SMARCC2: variants seen among roughly 807,000 people sequenced by gnomAD.
SMARCC2 encodes SWI/SNF related BAF chromatin remodeling complex subunit C2, also known as SWI/SNF complex subunit SMARCC2.
A neutral mutation model predicts 151.3 loss-of-function variants in SMARCC2; 15 were observed. The ratio of observed to expected loss-of-function variants is 0.10; its 90% CI spans 0.07 to 0.15. The LOEUF (loss-of-function observed/expected upper bound fraction) is 0.15, where lower values mean the gene tolerates loss of function less well. Ranked by LOEUF, SMARCC2 falls within the 10% of genes least tolerant of loss-of-function variation. The probability of loss-of-function intolerance (pLI) is 1.00; values close to 1 mark genes in which losing one functional copy is unlikely to be tolerated. For missense variants in SMARCC2, 1,031 were observed against 1,599.7 expected, an observed-to-expected ratio of 0.64 and a Z score of 6.06; for synonymous variants, 590 against 609.5, an observed-to-expected ratio of 0.97 and a Z score of 0.47.
In SMARCC2 at chr12:56,165,414, G is replaced by A; in HGVS notation, c.3136C>T (p.Gln1046Ter). 6.6e-7 allele frequency: 1 copy of A among 1,513,164 alleles called. No individual in the cohort carries two copies. The allele number at this position is 1,513,164 out of a possible 1,614,324, so 93.7% of individuals were successfully genotyped here. The change falls in exon 27 of 29, where the codon CAG (glutamine) becomes TAG (stop). Residue 1046 changes from glutamine (Q) to a stop codon, truncating the protein, a stop_gained. Coordinates refer to ENST00000550164, the MANE Select transcript of SMARCC2 (RefSeq NM_001330288.2). LOFTEE classifies it high-confidence loss of function. ...TGTGGCCCTGCAGTTGACCCTGCCT[G>A]CCCAATCTGTTCAGAAGGGCCCAAA... ...GSLGPSEQIG[Q>*]AGSTAGPQQQ...
chr12:56,163,366 T>G lies in SMARCC2; in HGVS notation c.*323A>C. On this transcript the variant is annotated 3_prime_UTR_variant, in exon 29 of 29. Coordinates refer to ENST00000550164, the MANE Select transcript of SMARCC2 (RefSeq NM_001330288.2). ...TTTTAATCCATAGAAAATGCAGTAG[T>G]TTGGAGGGAGGTGTACCCTTAGAAG... 5.0e-6 allele frequency: 1 copy of G among 199,450 alleles called. No homozygotes were observed. The highest frequency in any genetic ancestry group is 1.0e-5 in the Non-Finnish European group (1 of 99,422). 12.4% of individuals were successfully genotyped at this position (199,450 alleles called of 1,614,324 possible).
chr12:56,169,750 C>T, intron 24 of SMARCC2, 26 bp downstream of exon 24: 1 of 1,614,090 alleles, frequency 6.2e-7, no homozygotes. Context: ...GTCCTGCACC[C>T]CCACCTACCC....
intron 11 of SMARCC2, among the ~76,000 whole-genome samples, chr12:56,180,033 AT>A (rs957155173): frequency 2.0e-5 from 3 of 151,934 alleles, no homozygotes; most frequent in African/African-American, 7.3e-5. Flanking sequence ...TTTTTTAGAT[AT>A]GTTTGTGTTT....
At chr12:56,188,178 C>T (rs1877629636) in intron 1 of SMARCC2, among the ~76,000 whole-genome samples, 1 of 152,194 alleles carries the variant, frequency 6.6e-6, no homozygotes, top group Admixed American at 6.5e-5. Context: ...ACTGTCAATT[C>T]CCCCAAGGCC....
At chr12:56,173,628 A>G in intron 17 of SMARCC2, 68 bp downstream of exon 17, 1 of 1,434,042 alleles carries the variant, frequency 7.0e-7, no homozygotes, top group Non-Finnish European at 9.5e-7. Flanking sequence ...CCTAAAAACC[A>G]GAAAAAGAAA....
chr12:56,169,235 C>T (rs926062373), intron 25 of SMARCC2, among the ~76,000 whole-genome samples: 1 of 152,124 alleles, frequency 6.6e-6, no homozygotes. Context: ...GTGGAGGCTG[C>T]AGTGAGCCGA....
chr12:56,178,480 G>C lies in SMARCC2; in HGVS notation c.1234C>G (p.Leu412Val). The C allele has an allele frequency of 6.2e-7, 1 of 1,614,158 alleles. No individual in the cohort carries two copies. The highest frequency in any genetic ancestry group is 8.5e-7 in the Non-Finnish European group (1 of 1,179,994). Residue 412 changes from leucine (L) to valine (V), a missense_variant, in exon 14 of 29, where the codon CTG (leucine) becomes GTG (valine). Coordinates refer to ENST00000550164, the MANE Select transcript of SMARCC2 (RefSeq NM_001330288.2). ...TGTTCAGTCACATTGTCCTCATGCA[G>C]GTCTGGATTCTTGGTCTGCTCTCCC... ...NKGEQTKNPD[L>V]HEDNVTEQTH...
In SMARCC2 at chr12:56,169,629, G is replaced by C; in HGVS notation, c.2615C>G (p.Ser872Cys). Residue 872 changes from serine (S) to cysteine (C), a missense_variant, in exon 25 of 29, where the codon TCT becomes TGT. By Grantham distance (112) the Ser-to-Cys change is moderately radical. This residue lies in a region of SMARCC2 where 119 missense variants were observed against 184.2 expected (regional missense o/e 0.65). Coordinates refer to ENST00000550164, the MANE Select transcript of SMARCC2 (RefSeq NM_001330288.2). Reference sequence around the variant, plus strand: ...CACCTTTGTCTTCCTTTCCCCCTCAGACTCCACCACTTCCTTCAGCACTTC... The same window carrying C: ...CACCTTTGTCTTCCTTTCCCCCTCACACTCCACCACTTCCTTCAGCACTTC... ...QEEVLKEVVE[S>C]EGERKTKVER... is the part of the protein sequence containing the mutation. 6.2e-7 allele frequency: 1 copy of C among 1,613,946 alleles called. No homozygotes were observed. Among genetic ancestry groups the C allele is most frequent in the Non-Finnish European group, 8.5e-7 (1 of 1,179,934 alleles).
At chr12:56,184,490 T>C in intron 5 of SMARCC2, 2 of 559,280 alleles carry the variant, frequency 3.6e-6, no homozygotes, top group South Asian at 2.3e-5. Flanking sequence ...ACATGGGAAA[T>C]TTAAAGTCCA....
intron 18 of SMARCC2, 74 bp from the exon 19 acceptor site, chr12:56,172,778 A>G: frequency 6.2e-7 from 1 of 1,600,596 alleles, no homozygotes; most frequent in East Asian, 2.2e-5. Flanking sequence ...GAGAAAAAAC[A>G]GACAGAAGGA....
At chr12:56,177,278 C>T (rs139440692) in intron 15 of SMARCC2, among the ~76,000 whole-genome samples, 29 of 152,208 alleles carry the variant, frequency 1.9e-4, no homozygotes, top group African/African-American at 7.0e-4. Flanking sequence ...GGGGTCTTGC[C>T]GTGTCAGCCA....
At chr12:56,183,403 G>A (rs931892267) in intron 7 of SMARCC2, 2 of 151,752 alleles carry the variant, frequency 1.3e-5, no homozygotes, top group Non-Finnish European at 2.9e-5. Flanking sequence ...CCTAACCTCA[G>A]GTGATCCGCC....
chr12:56,169,353 T>C (rs1321406708), intron 25 of SMARCC2, among the ~76,000 whole-genome samples, 176 bp downstream of exon 25: 2 of 152,222 alleles, frequency 1.3e-5, no homozygotes, highest in African/African-American at 2.4e-5. Flanking sequence ...CCAATGGTGA[T>C]ATATTTTTTA....
chr12:56,166,739 A>G (rs1036464731), intron 26 of SMARCC2, among the ~76,000 whole-genome samples: 6 of 148,612 alleles, frequency 4.0e-5, no homozygotes, highest in Non-Finnish European at 6.0e-5. Context: ...ACAGGCTCGC[A>G]CCACCACGCC....
At position 56,174,702 on chromosome 12, in the gene SMARCC2, G is replaced by A; in HGVS notation, c.1445C>T (p.Thr482Ile). 2 of 1,614,092 alleles carry A rather than the reference G, an allele frequency of 1.2e-6. No homozygotes were observed. The highest frequency in any genetic ancestry group is 1.7e-6 in the Non-Finnish European group (2 of 1,180,010). Residue 482 changes from threonine (T) to isoleucine (I), a missense_variant, in exon 16 of 29, where the codon ACC becomes ATC. Around this residue, in one of 12 missense-constraint regions of SMARCC2, gnomAD observed 51 missense variants for 135.1 expected, o/e 0.38. Coordinates refer to ENST00000550164, the MANE Select transcript of SMARCC2 (RefSeq NM_001330288.2). ...TYRLNPQEYL[T>I]STACRRNLAG... is the part of the protein sequence containing the mutation. The stretch of plus-strand genomic sequence containing the variant: ...TAGGTTTCGGCGGCAGGCGGTAGAG[G>A]TAAGATACTCTTGGGGGTTCAGTCG...
At chr12:56,177,027 G>A (rs150823486) in intron 15 of SMARCC2, among the ~76,000 whole-genome samples, 7,336 of 152,014 alleles carry the variant, frequency 0.048, 265 homozygotes, top group Middle Eastern at 0.096. Context: ...CTCCATGTTG[G>A]TCAGGCTGAG....
chr12:56,170,140 A>C lies in SMARCC2; in HGVS notation c.2412+4T>G. The C allele has an allele frequency of 6.8e-6, 11 of 1,612,186 alleles. No individual in the cohort carries two copies. The highest frequency in any genetic ancestry group is 9.3e-6 in the Non-Finnish European group (11 of 1,178,446). On this transcript the variant is annotated splice_donor_region_variant and intron_variant, in intron 23 of 28. Transcript: ENST00000550164. Reference sequence around the variant, plus strand: ...CCCTGCAGCTTCCAGAAATCCCTCTATACCTTGGGCTCCTTCTTCTCATCT... The same window carrying C: ...CCCTGCAGCTTCCAGAAATCCCTCTCTACCTTGGGCTCCTTCTTCTCATCT...
chr12:56,182,943 C>T (rs1876523118), intron 7 of SMARCC2, among the ~76,000 whole-genome samples: 2 of 150,954 alleles, frequency 1.3e-5, no homozygotes, highest in South Asian at 4.2e-4. Flanking sequence ...AAGCAATCCT[C>T]CCACCTCAGC....
At chr12:56,172,874 C>T (rs1157084582) in intron 18 of SMARCC2, 63 bp downstream of exon 18, 29 of 1,590,580 alleles carry the variant, frequency 1.8e-5, no homozygotes, top group South Asian at 5.5e-5. Flanking sequence ...CTCTTCTTCC[C>T]GGGCAGGGGC....
Sources: allele counts gnomAD v4.1 joint callset (sites outside exome capture counted in the v4.1 genomes callset), GRCh38; gene constraint gnomAD v4.1.1; regional missense constraint gnomAD v4.1.1; transcripts MANE v1.5; gene names NCBI Gene and HGNC (gene_info 2026-07-23, HGNC 2026-07-21).